The following SPNS3 variants were observed in gnomAD, a reference collection of about 807,000 sequenced individuals.
The protein encoded by SPNS3 is SPNS lysolipid transporter 3, sphingosine-1-phosphate (putative).
SPNS3 carries 51 observed loss-of-function variants against 54.4 expected under a neutral mutation model. The observed-to-expected ratio is 0.94, with a 90% CI of 0.75 to 1.18. The LOEUF (loss-of-function observed/expected upper bound fraction) is 1.18. Ranked by LOEUF, SPNS3 falls within the 50% of genes most tolerant of loss-of-function variation. SPNS3 has a pLI of 0.00. For synonymous variants in SPNS3, 309 were observed against 294.7 expected (o/e 1.05, Z -0.50); for missense variants, 669 against 677.4 (o/e 0.99, Z 0.14).
intron 8 of SPNS3, among the ~76,000 whole-genome samples, chr17:4,471,538 T>C (rs888156457): frequency 6.6e-6 from 1 of 152,160 alleles, no homozygotes; most frequent in African/African-American, 2.4e-5. Flanking sequence ...CAATCATGGC[T>C]GTCTGCAGCC....
intron 1 of SPNS3, among the ~76,000 whole-genome samples, chr17:4,435,409 C>A (rs1970687823): frequency 6.7e-6 from 1 of 149,154 alleles, no homozygotes; most frequent in Middle Eastern, 3.5e-3. Context: ...CCATTGCACT[C>A]CAGTCTGGGC....
In SPNS3 at chr17:4,442,155, C is replaced by T. The variant is rs561812003; in HGVS notation, c.265+2432C>T. Among the ~76,000 whole-genome samples the T allele has an allele frequency of 2.5e-4, 38 of 152,202 alleles. No individual in the cohort carries two copies. In the East Asian group the frequency reaches 4.4e-3, roughly 18 times the overall value. On this transcript the variant is annotated intron_variant, in intron 2 of 11. Transcript: ENST00000355530. The stretch of plus-strand genomic sequence containing the variant: ...GAGTCTCTTTACCTTTTCCGGTTAC[C>T]GTGCTATGGCCCTAGACCCAGCCTG...
At position 4,461,361 on chromosome 17, in the gene SPNS3, C is replaced by CTTTTTTTTTTTTT. The variant is rs55928003; in HGVS notation, c.1113+8170_1113+8182dup. On this transcript the variant is annotated intron_variant, in intron 8 of 11. Coordinates refer to ENST00000355530, the MANE Select transcript of SPNS3 (RefSeq NM_182538.5). ...TATTTGCTTTCTTTTCTTTTCTTTT[C>CTTTTTTTTTTTTT]TTTTTTTTTTTTTTTTTTTTTTTTT... Among the ~76,000 whole-genome samples the CTTTTTTTTTTTTT allele has an allele frequency of 1.3e-3, 44 of 33,416 alleles. 4 individuals carry two copies. Among genetic ancestry groups the CTTTTTTTTTTTTT allele is most frequent in the Non-Finnish European group, 2.0e-3 (33 of 16,578 alleles). 21.9% of individuals were successfully genotyped at this position (33,416 alleles called of 152,430 possible).
At chr17:4,471,552 ACCT>A (rs1177014976) in intron 8 of SPNS3, among the ~76,000 whole-genome samples, 1 of 151,588 alleles carries the variant, frequency 6.6e-6, no homozygotes. Context: ...TGCAGCCTTG[ACCT>A]CCTGGGCTCA....
At chr17:4,442,017 T>TGTGTGTGTGTGTGTGTGTGTG (rs10692534) in intron 2 of SPNS3, among the ~76,000 whole-genome samples, 18 of 150,556 alleles carry the variant, frequency 1.2e-4, no homozygotes, top group South Asian at 2.1e-4. Flanking sequence ...TGTGTGTGTG[T>TGTGTGTGTGTGTGTGTGTGTG]TTGGCAGTAG....
Position 4,445,241 on chromosome 17 carries a change from C to T in SPNS3, c.402+73C>T. 10 of 1,475,920 alleles carry T rather than the reference C, an allele frequency of 6.8e-6. No individual in the cohort carries two copies. The South Asian group carries it at 1.1e-4, about 17-fold the overall frequency. The allele number at this position is 1,475,920 out of a possible 1,614,324, so 91.4% of individuals were successfully genotyped here. Reference sequence around the variant, plus strand: ...TGCTTCCTCCCTGATTCAGCCCCGTCAGAGCTGCGTGGGGACAATTCTGCT... The same window carrying T: ...TGCTTCCTCCCTGATTCAGCCCCGTTAGAGCTGCGTGGGGACAATTCTGCT... On this transcript the variant is annotated intron_variant, in intron 3 of 11. Coordinates refer to ENST00000355530, the MANE Select transcript of SPNS3 (RefSeq NM_182538.5).
At chr17:4,485,881 C>T (rs755016189) in intron 9 of SPNS3, among the ~76,000 whole-genome samples, 3 of 152,242 alleles carry the variant, frequency 2.0e-5, no homozygotes, top group African/African-American at 4.8e-5. Flanking sequence ...TCGCCCTGCC[C>T]GCTTGTGCTG....
chr17:4,486,358 G>C lies in SPNS3; in HGVS notation c.1278+32G>C. On this transcript the variant is annotated intron_variant, in intron 10 of 11. Coordinates refer to ENST00000355530, the MANE Select transcript of SPNS3 (RefSeq NM_182538.5). The surrounding 1 kb of genome is among the most constrained non-coding windows in gnomAD (Gnocchi z 5.5). ...CGTGTCTGCGTGTGTGGGGTGGGGAGGGTCTGGGGGCCAGGCTGGTGGGCC... is the reference window on the plus strand; with the variant it reads ...CGTGTCTGCGTGTGTGGGGTGGGGACGGTCTGGGGGCCAGGCTGGTGGGCC... The C allele has an allele frequency of 6.3e-7, 1 of 1,598,292 alleles. No individual in the cohort carries two copies. Among genetic ancestry groups the C allele is most frequent in the South Asian group, 1.1e-5 (1 of 89,420 alleles).
intron 4 of SPNS3, 114 bp downstream of exon 4, chr17:4,446,313 T>C: frequency 8.5e-7 from 1 of 1,171,508 alleles, no homozygotes; most frequent in Non-Finnish European, 1.2e-6. Flanking sequence ...GGGATTTGAG[T>C]CCCAATGCTA....
rs777416879 is a variant in SPNS3, at chr17:4,446,146, G to A, written c.501G>A (p.Arg167=). The A allele has an allele frequency of 1.2e-6, 2 of 1,613,550 alleles. No homozygotes were observed. The highest frequency in any genetic ancestry group is 2.7e-5 in the African/African-American group (2 of 75,000). Residue 167 remains arginine, a synonymous_variant, in exon 4 of 12, where the codon AGG becomes AGA. Transcript: ENST00000355530. ...APTVLGDLFV[R]DQRTRVLAVF... ...CCGTCCTGGGCGACCTCTTCGTGAG[G>A]GACCAGCGCACCCGCGTGCTGGCTG...
At chr17:4,479,439 CA>C (rs1483107478) in intron 9 of SPNS3, among the ~76,000 whole-genome samples, 3 of 152,244 alleles carry the variant, frequency 2.0e-5, no homozygotes, top group African/African-American at 7.2e-5. Context: ...CTGTCTTGAC[CA>C]CATGGCTGCT....
chr17:4,434,278 A>G, intron 1 of SPNS3, 112 bp downstream of exon 1: 1 of 1,074,278 alleles, frequency 9.3e-7, no homozygotes, highest in Non-Finnish European at 1.3e-6. Context: ...TCCTGGGCCC[A>G]TCTCTGGTGT....
chr17:4,487,670 G>T (rs1006805790), intron 11 of SPNS3, 136 bp from the exon 12 acceptor site: 5 of 794,878 alleles, frequency 6.3e-6, no homozygotes, highest in Non-Finnish European at 1.1e-5. Context: ...TGAAGGTGAT[G>T]ACAAGGGGTT....
chr17:4,459,032 TC>T (rs1413054703), intron 8 of SPNS3, among the ~76,000 whole-genome samples: 2 of 152,032 alleles, frequency 1.3e-5, no homozygotes, highest in Non-Finnish European at 2.9e-5. Flanking sequence ...TCCCTCTCTT[TC>T]CCCATCCTCA....
At position 4,486,493 on chromosome 17, in the gene SPNS3, G is replaced by C. The variant is rs779460253; in HGVS notation, c.1360G>C (p.Ala454Pro). ...RSLQQSFLCC[A>P]FVIALGGGCF... ...CCTGCAGCAGAGCTTCCTGTGCTGCGCCTTTGTCATCGCCCTGGGGGGCGG... is the reference window on the plus strand; with the variant it reads ...CCTGCAGCAGAGCTTCCTGTGCTGCCCCTTTGTCATCGCCCTGGGGGGCGG... Residue 454 changes from alanine to proline, a missense_variant, in exon 11 of 12, where the codon GCC (alanine) becomes CCC (proline). Physicochemically the swap from Ala to Pro is conservative, Grantham distance 27. Coordinates refer to ENST00000355530, the MANE Select transcript of SPNS3 (RefSeq NM_182538.5). The surrounding 1 kb of genome is among the most constrained non-coding windows in gnomAD (Gnocchi z 5.5). The C allele has an allele frequency of 6.2e-7, 1 of 1,613,650 alleles. No individual in the cohort carries two copies. Among genetic ancestry groups the C allele is most frequent in the Admixed American group, 1.7e-5 (1 of 60,014 alleles).
At chr17:4,440,235 A>T (rs993421156) in intron 2 of SPNS3, among the ~76,000 whole-genome samples, 1 of 152,284 alleles carries the variant, frequency 6.6e-6, no homozygotes, top group Middle Eastern at 3.4e-3. Flanking sequence ...CCATCGCAAC[A>T]TCAGAGCGGT....
At chr17:4,474,701 T>A (rs1391551081) in intron 8 of SPNS3, among the ~76,000 whole-genome samples, 1 of 151,926 alleles carries the variant, frequency 6.6e-6, no homozygotes, top group East Asian at 1.9e-4. Flanking sequence ...GACACAAGCA[T>A]GTTTGTGTAT....
Position 4,453,260 on chromosome 17 carries a change from G to A in SPNS3, c.1113+55G>A, listed in dbSNP as rs867814330. The A allele has an allele frequency of 1.4e-5, 21 of 1,522,614 alleles. No homozygotes were observed. In the Middle Eastern group the frequency reaches 9.4e-4, roughly 68 times the overall value. The allele number at this position is 1,522,614 out of a possible 1,614,324, so 94.3% of individuals were successfully genotyped here. ...CAGGGTTGGGGGGCGAGGAACTCCT[G>A]TTTCCACAGGCTCATGCTGCGCCCG... On this transcript the variant is annotated intron_variant, in intron 8 of 11. Coordinates refer to ENST00000355530, the MANE Select transcript of SPNS3 (RefSeq NM_182538.5).
At chr17:4,461,051 C>T (rs961162863) in intron 8 of SPNS3, among the ~76,000 whole-genome samples, 2 of 152,194 alleles carry the variant, frequency 1.3e-5, no homozygotes, top group South Asian at 4.1e-4. Flanking sequence ...TTCAAATTTT[C>T]TATTTCTTCT....
Sources: allele counts gnomAD v4.1 joint callset (sites outside exome capture counted in the v4.1 genomes callset), GRCh38; gene constraint gnomAD v4.1.1; non-coding constraint Gnocchi (gnomAD v3.1); transcripts MANE v1.5; gene names NCBI Gene and HGNC (gene_info 2026-07-23, HGNC 2026-07-21).